Variants in PKIA observed in about 807,000 individuals in gnomAD.
The protein encoded by PKIA is PKI-alpha.
In PKIA, 4 loss-of-function variants were observed where a neutral mutation model predicts 7.6. The observed-to-expected ratio is 0.52, with a 90% CI of 0.26 to 1.20. The LOEUF is 1.20. PKIA is among the 50% of genes most tolerant of loss of function. PKIA has a pLI of 0.13. For missense variants in PKIA, 73 were observed against 86.2 expected, an observed-to-expected ratio of 0.85 and a Z score of 0.61; for synonymous variants, 21 against 30.7, an observed-to-expected ratio of 0.68 and a Z score of 1.04.
chr8:78,521,102 A>G (rs956692094), intron 1 of PKIA, among the ~76,000 whole-genome samples: 1 of 152,136 alleles, frequency 6.6e-6, no homozygotes, highest in African/African-American at 2.4e-5. Flanking sequence ...AAGGTTTTCC[A>G]ATCAAAGCCA....
chr8:78,534,591 AGGTAT>A (rs1266064959), intron 1 of PKIA: 1 of 152,112 alleles, frequency 6.6e-6, no homozygotes, highest in African/African-American at 2.4e-5. Context: ...ATACTATTCC[AGGTAT>A]GGTACTGGTC....
At position 78,527,824 on chromosome 8, in the gene PKIA, C is replaced by T. The variant is rs184775145; in HGVS notation, c.-157+11356C>T. On this transcript the variant is annotated intron_variant, in intron 1 of 3. Transcript: ENST00000396418. ...TTTAACCCATAAGTTATTTGGCCTT[C>T]CATCAGCTTTTCTGTCTTGAGGAAT... 8.5e-5 allele frequency among the ~76,000 whole-genome samples: 13 copies of T among 152,092 alleles called. No individual in the cohort carries two copies. In the East Asian group the frequency reaches 2.5e-3, roughly 29 times the overall value.
intron 1 of PKIA, among the ~76,000 whole-genome samples, chr8:78,533,432 ATATT>A (rs1263681096): frequency 6.6e-6 from 1 of 152,162 alleles, no homozygotes; most frequent in African/African-American, 2.4e-5. Flanking sequence ...CTTTTATTAC[ATATT>A]TATTATGTAC....
intron 2 of PKIA, among the ~76,000 whole-genome samples, chr8:78,575,643 A>G (rs1280614271): frequency 2.0e-5 from 3 of 152,004 alleles, no homozygotes; most frequent in Non-Finnish European, 4.4e-5. Context: ...CCACGATTAG[A>G]ACTGCTGGGT....
At chr8:78,550,248 T>C (rs1806950110) in intron 1 of PKIA, among the ~76,000 whole-genome samples, 1 of 152,146 alleles carries the variant, frequency 6.6e-6, no homozygotes, top group Admixed American at 6.6e-5. Context: ...TGTTTGCTAA[T>C]GGGTGCTTAG....
At chr8:78,580,588 AAGG>A (rs1360604224) in intron 2 of PKIA, among the ~76,000 whole-genome samples, 44 of 152,140 alleles carry the variant, frequency 2.9e-4, no homozygotes, top group African/African-American at 9.9e-4. Context: ...AAGTTATTGG[AAGG>A]AGAAGGACAT....
intron 1 of PKIA, among the ~76,000 whole-genome samples, chr8:78,527,887 A>G (rs933127721): frequency 2.6e-5 from 4 of 152,006 alleles, no homozygotes; most frequent in Non-Finnish European, 4.4e-5. Context: ...TTGTACATCT[A>G]TGTTTCATGC....
At chr8:78,595,042 T>C (rs1808196623) in intron 2 of PKIA, among the ~76,000 whole-genome samples, 1 of 152,140 alleles carries the variant, frequency 6.6e-6, no homozygotes, top group African/African-American at 2.4e-5. Context: ...ATACTAATAA[T>C]AGAGCCAGAA....
rs1291871712 is a variant in PKIA at position 78,604,880 on chromosome 8, T to C, written c.*3059T>C. 1 of 152,034 alleles carries C rather than the reference T, an allele frequency of 6.6e-6. No individual in the cohort carries two copies. Among genetic ancestry groups the C allele is most frequent in the Non-Finnish European group, 1.5e-5 (1 of 67,970 alleles). The allele number at this position is 152,034 out of a possible 1,614,324, so 9.4% of individuals were successfully genotyped here. The stretch of plus-strand genomic sequence containing the variant: ...ATAACAGACATTGAAATCCAATTCT[T>C]AGATAATACTCCCAGAACAGCCAAT... On this transcript the variant is annotated 3_prime_UTR_variant, in exon 4 of 4. Transcript: ENST00000396418.
chr8:78,593,218 G>T (rs556831093), intron 2 of PKIA, among the ~76,000 whole-genome samples: 2 of 152,240 alleles, frequency 1.3e-5, no homozygotes, highest in East Asian at 1.9e-4. Flanking sequence ...CGCCACCCGG[G>T]TTCAAGCGAT....
intron 1 of PKIA, among the ~76,000 whole-genome samples, chr8:78,543,524 C>T (rs971620984): frequency 6.6e-6 from 1 of 152,212 alleles, no homozygotes; most frequent in East Asian, 1.9e-4. Context: ...TCTAGTTATT[C>T]TCTTATTTTC....
At chr8:78,584,111 A>G (rs1426629851) in intron 2 of PKIA, among the ~76,000 whole-genome samples, 1 of 152,116 alleles carries the variant, frequency 6.6e-6, no homozygotes, top group Non-Finnish European at 1.5e-5. Context: ...AGTAACATTT[A>G]AACTCAGTAG....
intron 1 of PKIA, among the ~76,000 whole-genome samples, chr8:78,547,192 T>C (rs1351367752): frequency 1.3e-5 from 2 of 152,046 alleles, no homozygotes; most frequent in Non-Finnish European, 2.9e-5. Flanking sequence ...CAATGCAACC[T>C]CTGCCTCCCA....
intron 1 of PKIA, chr8:78,535,596 C>A (rs958842139): frequency 6.6e-6 from 1 of 152,136 alleles, no homozygotes; most frequent in Non-Finnish European, 1.5e-5. Flanking sequence ...ACTAAGCCAG[C>A]CCCTGAACTT....
intron 1 of PKIA, among the ~76,000 whole-genome samples, chr8:78,569,733 T>C (rs118061509): frequency 0.014 from 2,104 of 152,194 alleles, 16 homozygotes; most frequent in Middle Eastern, 0.027. Context: ...ATCACATAAA[T>C]GTTTCAAAAA....
intron 1 of PKIA, among the ~76,000 whole-genome samples, chr8:78,549,911 A>G (rs562049667): frequency 1.8e-4 from 27 of 152,242 alleles, no homozygotes; most frequent in Admixed American, 1.3e-3. Context: ...CAAAGAGTTT[A>G]GAGCCATTGT....
chr8:78,579,479 C>A (rs940940445), intron 2 of PKIA, among the ~76,000 whole-genome samples: 1 of 151,968 alleles, frequency 6.6e-6, no homozygotes, highest in Admixed American at 6.6e-5. Context: ...AAGACTTTTC[C>A]AGCATTAGGA....
At chr8:78,562,461 A>T (rs1807308109) in intron 1 of PKIA, among the ~76,000 whole-genome samples, 1 of 152,214 alleles carries the variant, frequency 6.6e-6, no homozygotes, top group South Asian at 2.1e-4. Context: ...ACTAAAACAT[A>T]AACCACTTAA....
At chr8:78,517,442 C>A (rs546676627) in intron 1 of PKIA, among the ~76,000 whole-genome samples, 1 of 152,294 alleles carries the variant, frequency 6.6e-6, no homozygotes, top group East Asian at 1.9e-4. Context: ...TCCAGTTTTT[C>A]TTGAAGCAAT....
Sources: allele counts gnomAD v4.1 joint callset (sites outside exome capture counted in the v4.1 genomes callset), GRCh38; gene constraint gnomAD v4.1.1; transcripts MANE v1.5; gene names NCBI Gene and HGNC (gene_info 2026-07-23, HGNC 2026-07-21).